PPM1H: variants seen among roughly 807,000 people sequenced by gnomAD.
The protein encoded by PPM1H is protein phosphatase, Mg2+/Mn2+ dependent 1H.
A neutral mutation model predicts 54.9 loss-of-function variants in PPM1H; 27 were observed. The observed-to-expected ratio is 0.49, with a 90% CI of 0.36 to 0.68. The LOEUF is 0.68. Ranked by LOEUF, PPM1H falls within the 30% of genes least tolerant of loss-of-function variation. The pLI, the probability that PPM1H is intolerant of heterozygous loss-of-function variation, is 0.00. For missense variants in PPM1H, 596 were observed against 667.8 expected (o/e 0.89, Z 1.19); for synonymous variants, 305 against 270.8 (o/e 1.13, Z -1.24).
At chr12:62,806,643 C>T (rs1411119263) in intron 2 of PPM1H, among the ~76,000 whole-genome samples, 1 of 152,130 alleles carries the variant, frequency 6.6e-6, no homozygotes, top group African/African-American at 2.4e-5. Flanking sequence ...TGTAGCACCT[C>T]CCCCTTCACT....
chr12:62,654,734 T>C (rs935154834), intron 9 of PPM1H, among the ~76,000 whole-genome samples: 9 of 152,172 alleles, frequency 5.9e-5, no homozygotes, highest in Non-Finnish European at 1.0e-4. Flanking sequence ...CTGCTAACCA[T>C]ATGAGGTTTA....
At position 62,678,156 on chromosome 12, in the gene PPM1H, A is replaced by T. The variant is rs144609371; in HGVS notation, c.1246-10827T>A. On this transcript the variant is annotated intron_variant, in intron 8 of 9. Transcript: ENST00000228705. Reference sequence around the variant, plus strand: ...GAGACAGGGTCTCACTATGTTGCCTATGCTGGCCTCAAACTCCTGAGCTCA... The same window carrying T: ...GAGACAGGGTCTCACTATGTTGCCTTTGCTGGCCTCAAACTCCTGAGCTCA... Among the ~76,000 whole-genome samples the T allele has an allele frequency of 3.5e-3, 530 of 152,324 alleles. 2 individuals are homozygous for T. Among genetic ancestry groups the T allele is most frequent in the African/African-American group, 0.011 (473 of 41,576 alleles).
intron 6 of PPM1H, among the ~76,000 whole-genome samples, chr12:62,701,049 T>C (rs1346923152): frequency 6.6e-6 from 1 of 152,260 alleles, no homozygotes; most frequent in Non-Finnish European, 1.5e-5. Flanking sequence ...TTTTGCTACC[T>C]ATGGCATCTC....
chr12:62,795,692 A>G (rs2120727582), intron 3 of PPM1H, among the ~76,000 whole-genome samples: 2 of 151,946 alleles, frequency 1.3e-5, no homozygotes, highest in East Asian at 3.9e-4. Context: ...TGGGCCTCCC[A>G]AAGTGCTGGG....
At chr12:62,883,946 C>T (rs1164316498) in intron 1 of PPM1H, among the ~76,000 whole-genome samples, 1 of 145,820 alleles carries the variant, frequency 6.9e-6, no homozygotes, top group Non-Finnish European at 1.5e-5. Flanking sequence ...TATTCTGTTA[C>T]AGCTTCGCAT....
intron 4 of PPM1H, among the ~76,000 whole-genome samples, chr12:62,782,702 C>T (rs754591669): frequency 1.3e-5 from 2 of 152,142 alleles, no homozygotes; most frequent in African/African-American, 2.4e-5. Flanking sequence ...GAGACACTTG[C>T]TTCCAAAGAA....
intron 8 of PPM1H, among the ~76,000 whole-genome samples, chr12:62,674,413 G>C (rs1264337162): frequency 3.3e-5 from 5 of 152,292 alleles, no homozygotes; most frequent in Non-Finnish European, 7.4e-5. Context: ...CAACCCAACA[G>C]CTCAACCTAT....
chr12:62,866,286 T>C lies in PPM1H; in HGVS notation c.246-34007A>G, dbSNP rs116387563. 2.8e-3 allele frequency among the ~76,000 whole-genome samples: 425 copies of C among 150,710 alleles called. 2 individuals are homozygous for C. The highest frequency in any genetic ancestry group is 0.01 in the African/African-American group (416 of 40,998). On this transcript the variant is annotated intron_variant, in intron 1 of 9. Coordinates refer to ENST00000228705, the MANE Select transcript of PPM1H (RefSeq NM_020700.2). ...GGACTAGGGTTTGGAGCACTGACTT[T>C]GGTACTTCCTGACATCTACACTTAT...
chr12:62,664,918 A>G (rs2136609789), intron 9 of PPM1H, among the ~76,000 whole-genome samples: 1 of 150,690 alleles, frequency 6.6e-6, no homozygotes, highest in South Asian at 2.1e-4. Context: ...AGCCAGCTGA[A>G]GATATAATCC....
chr12:62,692,731 C>T (rs760515268), intron 7 of PPM1H, among the ~76,000 whole-genome samples: 4 of 152,162 alleles, frequency 2.6e-5, no homozygotes, highest in Non-Finnish European at 5.9e-5. Flanking sequence ...AGCCCTGACA[C>T]GATTCTTAAC....
At position 62,663,957 on chromosome 12, in the gene PPM1H, A is replaced by C. The variant is rs574474373; in HGVS notation, c.1397+3221T>G. ...GGTGAGCTGAGATTTGCGCCATTGC[A>C]CTCCAGCCTGGGCAACAAGAGCGAA... On this transcript the variant is annotated intron_variant, in intron 9 of 9. Transcript: ENST00000228705. 5.4e-4 allele frequency among the ~76,000 whole-genome samples: 82 copies of C among 150,668 alleles called. 1 individual carries two copies. In the South Asian group the frequency reaches 0.017, roughly 30 times the overall value.
At chr12:62,768,099 T>C (rs530531428) in intron 4 of PPM1H, among the ~76,000 whole-genome samples, 5 of 152,332 alleles carry the variant, frequency 3.3e-5, no homozygotes, top group African/African-American at 1.2e-4. Flanking sequence ...GACAACAGTA[T>C]GTGTGAGGTT....
chr12:62,689,714 C>T lies in PPM1H; in HGVS notation c.1230G>A (p.Leu410=). The T allele has an allele frequency of 1.9e-6, 3 of 1,613,384 alleles. No homozygotes were observed. The highest frequency in any genetic ancestry group is 2.5e-6 in the Non-Finnish European group (3 of 1,179,512). The change falls in exon 8 of 10, where the codon CTG becomes CTA. Residue 410 remains leucine, a synonymous_variant. Coordinates refer to ENST00000228705, the MANE Select transcript of PPM1H (RefSeq NM_020700.2). ...HDSNIYIKPF[L]SSAPEVRIYD... is the part of the protein sequence containing the mutation. ...CATGCGGTACCTCTGGAGCTGAAGA[C>T]AGGAATGGTTTAATGTAGATGTTGG...
intron 6 of PPM1H, among the ~76,000 whole-genome samples, chr12:62,703,449 C>T (rs2076155486): frequency 6.6e-6 from 1 of 151,308 alleles, no homozygotes; most frequent in African/African-American, 2.4e-5. Context: ...CACAGGCAGC[C>T]TTGTTTTCTT....
intron 3 of PPM1H, among the ~76,000 whole-genome samples, chr12:62,789,977 T>C (rs769231726): frequency 4.6e-5 from 7 of 152,226 alleles, no homozygotes; most frequent in Non-Finnish European, 8.8e-5. Flanking sequence ...CTACTACTTT[T>C]GGTGCAGAGG....
intron 1 of PPM1H, among the ~76,000 whole-genome samples, chr12:62,893,633 G>GTT (rs2121090031): frequency 6.6e-6 from 1 of 151,856 alleles, no homozygotes; most frequent in East Asian, 1.9e-4. Flanking sequence ...ATATGTGTGT[G>GTT]TGCGGGGGGG....
In PPM1H at chr12:62,804,551, C is replaced by A. The variant is rs534713429; in HGVS notation, c.412-2391G>T. Among the ~76,000 whole-genome samples the A allele has an allele frequency of 8.6e-5, 13 of 151,968 alleles. No homozygotes were observed. The East Asian group carries it at 1.5e-3, about 18-fold the overall frequency. On this transcript the variant is annotated intron_variant, in intron 2 of 9. Coordinates refer to ENST00000228705, the MANE Select transcript of PPM1H (RefSeq NM_020700.2). ...TCTTAAAAAAAATTTTTTTTGGTAT[C>A]CTTCTCTCTTTTCTCCTTGGAAGAA...
At chr12:62,918,642 T>C (rs769305993) in intron 1 of PPM1H, among the ~76,000 whole-genome samples, 10 of 152,182 alleles carry the variant, frequency 6.6e-5, no homozygotes, top group Non-Finnish European at 1.0e-4. Flanking sequence ...AATTATAGCT[T>C]AGCAAAGATT....
Position 62,838,919 on chromosome 12 carries a change from TCAAAAAAAAAAAA to T in PPM1H, c.246-6653_246-6641del, listed in dbSNP as rs1565805188. ...CTGGGCGACAGAGCGAGACTCCGTC[TCAAAAAAAAAAAA>T]AAAAAAAAAAAAAAAAAAAGAATAA... is the stretch of plus-strand genomic sequence containing the variant. On this transcript the variant is annotated intron_variant, in intron 1 of 9. Transcript: ENST00000228705. Among the ~76,000 whole-genome samples, 3 of 40,834 alleles carry T rather than the reference TCAAAAAAAAAAAA, an allele frequency of 7.3e-5. 1 individual carries two copies. Among genetic ancestry groups the T allele is most frequent in the Non-Finnish European group, 1.3e-4 (3 of 22,476 alleles). The allele number at this position is 40,834 out of a possible 152,430, so 26.8% of individuals were successfully genotyped here.
Sources: allele counts gnomAD v4.1 joint callset (sites outside exome capture counted in the v4.1 genomes callset), GRCh38; gene constraint gnomAD v4.1.1; transcripts MANE v1.5; gene names NCBI Gene and HGNC (gene_info 2026-07-23, HGNC 2026-07-21).